The following SNX24 variants were observed in gnomAD, a reference collection of about 807,000 sequenced individuals.
SNX24 encodes the protein sorting nexin-24.
In SNX24, 22 loss-of-function variants were observed where a neutral mutation model predicts 28.7. The observed-to-expected ratio is 0.77, with a 90% confidence interval of 0.55 to 1.10. The LOEUF (loss-of-function observed/expected upper bound fraction) is 1.10. Ranked by LOEUF, SNX24 falls within the 50% of genes least tolerant of loss-of-function variation. The pLI is 0.00. For synonymous variants in SNX24, 69 were observed against 71.5 expected, an observed-to-expected ratio of 0.96 and a Z score of 0.18; for missense variants, 221 against 201.1, an observed-to-expected ratio of 1.10 and a Z score of -0.60.
chr5:122,993,056 G>C (rs1367471295), intron 3 of SNX24, among the ~76,000 whole-genome samples: 1 of 150,950 alleles, frequency 6.6e-6, no homozygotes, highest in East Asian at 1.9e-4. Flanking sequence ...TCGGCATTCA[G>C]CGTTTAGTGC....
chr5:122,930,678 T>C (rs1245635605), intron 1 of SNX24, among the ~76,000 whole-genome samples: 2 of 152,244 alleles, frequency 1.3e-5, no homozygotes, highest in African/African-American at 2.4e-5. Context: ...TTTTTTGTTC[T>C]TTCATCAGGG....
At chr5:122,969,867 C>G (rs1428862761) in intron 3 of SNX24, among the ~76,000 whole-genome samples, 1 of 152,082 alleles carries the variant, frequency 6.6e-6, no homozygotes, top group East Asian at 1.9e-4. Context: ...TTATTTCAGG[C>G]ATTATTATTC....
At chr5:122,901,595 C>G (rs1439734946) in intron 1 of SNX24, among the ~76,000 whole-genome samples, 1 of 152,208 alleles carries the variant, frequency 6.6e-6, no homozygotes, top group Non-Finnish European at 1.5e-5. Flanking sequence ...TCCCTTTGTT[C>G]CATATGCCTG....
At chr5:122,925,092 C>A (rs1272131142) in intron 1 of SNX24, among the ~76,000 whole-genome samples, 1 of 139,690 alleles carries the variant, frequency 7.2e-6, no homozygotes, top group African/African-American at 2.8e-5. Context: ...CTTCCCTCTC[C>A]TCCTTCCCTC....
At position 123,017,897 on chromosome 5, in the gene SNX24, G is replaced by A. The variant is rs527948997; in HGVS notation, n.384-11341G>A. Among the ~76,000 whole-genome samples, 17 of 152,234 alleles carry A rather than the reference G, an allele frequency of 1.1e-4. 1 individual carries two copies. In the East Asian group the frequency reaches 1.4e-3, roughly 12 times the overall value. On this transcript the variant is annotated intron_variant and non_coding_transcript_variant, in intron 5 of 5. Transcript: ENST00000502387. The stretch of plus-strand genomic sequence containing the variant: ...TTGTAAATTGCCCAGTCTTGGGTAC[G>A]TCTTTATCAGCAGCATGAAAAGGGA...
At chr5:122,894,038 G>GA (rs375432717) in intron 1 of SNX24, among the ~76,000 whole-genome samples, 2,700 of 132,092 alleles carry the variant, frequency 0.02, 29 homozygotes, top group Non-Finnish European at 0.03. Flanking sequence ...ACTCCAAATC[G>GA]AAAAAAAAAA....
intron 2 of SNX24, among the ~76,000 whole-genome samples, chr5:122,941,861 G>C (rs1022575486): frequency 6.6e-6 from 1 of 152,170 alleles, no homozygotes; most frequent in Non-Finnish European, 1.5e-5. Context: ...TAGCTCCTCT[G>C]CTAGTACTAG....
chr5:122,891,210 G>A (rs1756953363), intron 1 of SNX24: 1 of 1,288,834 alleles, frequency 7.8e-7, no homozygotes. Context: ...TGGTTGAAAT[G>A]GTTTAGGAAT....
chr5:122,933,805 G>A (rs1242407801), intron 1 of SNX24, among the ~76,000 whole-genome samples: 1 of 151,860 alleles, frequency 6.6e-6, no homozygotes, highest in Non-Finnish European at 1.5e-5. Flanking sequence ...AAATTCCAGA[G>A]GCAACACATT....
chr5:122,915,065 T>A (rs1347639831), intron 1 of SNX24, among the ~76,000 whole-genome samples: 1 of 152,208 alleles, frequency 6.6e-6, no homozygotes, highest in Admixed American at 6.5e-5. Context: ...AGGGTTTTTT[T>A]AGACTTTGGA....
rs995408343 is a variant in SNX24 at position 123,015,629 on chromosome 5, G to T, written n.384-13609G>T. Among the ~76,000 whole-genome samples, 127 of 152,234 alleles carry T rather than the reference G, an allele frequency of 8.3e-4. 1 individual carries two copies. Among genetic ancestry groups the T allele is most frequent in the African/African-American group, 3.0e-3 (124 of 41,542 alleles). On this transcript the variant is annotated intron_variant and non_coding_transcript_variant, in intron 5 of 5. Transcript: ENST00000502387. ...GCCCTACCCCAGACTTGCTGAATCAGGCAGTCTGGAGAGCTGACTAGCCCT... is the reference window on the plus strand; with the variant it reads ...GCCCTACCCCAGACTTGCTGAATCATGCAGTCTGGAGAGCTGACTAGCCCT...
intron 3 of SNX24, among the ~76,000 whole-genome samples, chr5:122,960,584 A>G (rs947036012): frequency 2.0e-5 from 3 of 152,108 alleles, no homozygotes; most frequent in African/African-American, 7.2e-5. Context: ...CTAGCAGTTA[A>G]TATTCTTTTA....
intron 2 of SNX24, among the ~76,000 whole-genome samples, chr5:122,940,194 A>C (rs768207523): frequency 6.6e-6 from 1 of 152,024 alleles, no homozygotes; most frequent in Non-Finnish European, 1.5e-5. Context: ...GTGTTTCGCC[A>C]TGTTGGCCAG....
chr5:122,932,949 C>G (rs944696903), intron 1 of SNX24, among the ~76,000 whole-genome samples: 8 of 151,872 alleles, frequency 5.3e-5, no homozygotes, highest in African/African-American at 1.5e-4. Context: ...CCAGACATTC[C>G]TATTCATAAC....
chr5:123,018,859 G>A (rs1262413138), intron 5 of SNX24, among the ~76,000 whole-genome samples: 2 of 152,042 alleles, frequency 1.3e-5, no homozygotes, highest in Non-Finnish European at 2.9e-5. Context: ...GCTAATTTTT[G>A]TATTTTTAGT....
intron 1 of SNX24, among the ~76,000 whole-genome samples, chr5:122,887,414 C>G: frequency 6.6e-6 from 1 of 152,154 alleles, no homozygotes; most frequent in East Asian, 1.9e-4. Flanking sequence ...AGGAGAGAGT[C>G]TATTTTTATT....
intron 5 of SNX24, chr5:123,022,566 G>T (rs1762777262): frequency 6.6e-6 from 1 of 151,670 alleles, no homozygotes; most frequent in South Asian, 2.1e-4. Flanking sequence ...GACCAGCACA[G>T]AAGTTTTGAC....
Position 122,970,630 on chromosome 5 carries a change from G to A in SNX24, c.249+24471G>A, listed in dbSNP as rs191863622. Among the ~76,000 whole-genome samples, 49 of 152,194 alleles carry A rather than the reference G, an allele frequency of 3.2e-4. No homozygotes were observed. The East Asian group carries it at 6.6e-3, about 20-fold the overall frequency. On this transcript the variant is annotated intron_variant, in intron 3 of 6. Transcript: ENST00000261369. ...ACTACAGGTGCCCGCCACCCCGCCC[G>A]GCTAATTTTTTGTATTTTTAGTAGA...
intron 3 of SNX24, among the ~76,000 whole-genome samples, chr5:122,988,636 A>C (rs1379108657): frequency 1.3e-5 from 2 of 152,198 alleles, no homozygotes; most frequent in Non-Finnish European, 2.9e-5. Flanking sequence ...TCTTTTGTAA[A>C]GTAAGTTTAA....
Sources: allele counts gnomAD v4.1 joint callset (sites outside exome capture counted in the v4.1 genomes callset), GRCh38; gene constraint gnomAD v4.1.1; transcripts MANE v1.5; gene names NCBI Gene and HGNC (gene_info 2026-07-23, HGNC 2026-07-21).